FREM3: variants seen among roughly 807,000 people sequenced by gnomAD.
FREM3 encodes FRAS1-related extracellular matrix protein 3.
Under a neutral mutation model 129.1 loss-of-function variants are expected in FREM3, and 105 were observed. That is an observed-to-expected ratio of 0.81 (90% CI 0.69 to 0.96). FREM3 has a LOEUF of 0.96. Ranked by LOEUF, FREM3 falls within the 40% of genes least tolerant of loss-of-function variation. The pLI, the probability that FREM3 is intolerant of heterozygous loss-of-function variation, is 0.00. For missense variants in FREM3, 2,593 were observed against 2,666.3 expected, an observed-to-expected ratio of 0.97 and a Z score of 0.61; for synonymous variants, 1,014 against 1,044.9, an observed-to-expected ratio of 0.97 and a Z score of 0.57.
intron 2 of FREM3, among the ~76,000 whole-genome samples, chr4:143,659,079 A>G (rs1278868993): frequency 2.1e-5 from 2 of 96,218 alleles, no homozygotes; most frequent in African/African-American, 7.7e-5. Context: ...TATTTTATTT[A>G]TTATTTTTAT....
In FREM3 at chr4:143,647,878, G is replaced by A. The variant is rs188442695; in HGVS notation, c.5276-20118C>T. Reference sequence around the variant, plus strand: ...CCACTGGGGCACTGCCTGATTAAACGGTGAGAAGAAGGCCACCATCCTCCA... The same window carrying A: ...CCACTGGGGCACTGCCTGATTAAACAGTGAGAAGAAGGCCACCATCCTCCA... On this transcript the variant is annotated intron_variant, in intron 2 of 7. Transcript: ENST00000329798. 1.8e-4 allele frequency among the ~76,000 whole-genome samples: 28 copies of A among 152,274 alleles called. No individual in the cohort carries two copies. The East Asian group carries it at 4.3e-3, about 23-fold the overall frequency.
chr4:143,695,946 G>T lies in FREM3; in HGVS notation c.4730C>A (p.Thr1577Asn). The change falls in exon 1 of 8, where the codon ACC (threonine) becomes AAC (asparagine). Residue 1577 changes from threonine to asparagine, a missense_variant. Physicochemically the swap from Thr to Asn is moderately conservative, Grantham distance 65 (BLOSUM62 0). Transcript: ENST00000329798. ...TPDDLILFTI[T>N]QVPMHGKILY... ...AATCTTGCCATGCATGGGGACCTGG[G>T]TGATGGTAAAGAGAATAAGGTCATC... 6.5e-7 allele frequency: 1 copy of T among 1,537,862 alleles called. No homozygotes were observed. Among genetic ancestry groups the T allele is most frequent in the Non-Finnish European group, 8.7e-7 (1 of 1,147,014 alleles).
In FREM3 at chr4:143,577,481, C is replaced by G; in HGVS notation, c.*130G>C. 1 of 834,632 alleles carries G rather than the reference C, an allele frequency of 1.2e-6. No homozygotes were observed. The allele number at this position is 834,632 out of a possible 1,614,324, so 51.7% of individuals were successfully genotyped here. A position where few individuals can be genotyped will look rare whatever the true frequency, so the allele number is the denominator to read the frequency against. ...TCATATAAATTACATTTCCACATATCACCAGAATATAACACCAATGACAGT... is the reference window on the plus strand; with the variant it reads ...TCATATAAATTACATTTCCACATATGACCAGAATATAACACCAATGACAGT... On this transcript the variant is annotated 3_prime_UTR_variant, in exon 8 of 8. Coordinates refer to ENST00000329798, the MANE Select transcript of FREM3 (RefSeq NM_001168235.2).
chr4:143,627,950 C>T (rs1271924418), intron 2 of FREM3, among the ~76,000 whole-genome samples, 190 bp from the exon 3 acceptor site: 2 of 152,042 alleles, frequency 1.3e-5, no homozygotes, highest in Non-Finnish European at 2.9e-5. Context: ...GCATCTTAAG[C>T]CCTATTCCTC....
At chr4:143,603,139 A>T (rs537584373) in intron 6 of FREM3, among the ~76,000 whole-genome samples, 1 of 152,102 alleles carries the variant, frequency 6.6e-6, no homozygotes, top group Non-Finnish European at 1.5e-5. Flanking sequence ...CACATATATC[A>T]TGTCTCTTGT....
chr4:143,620,865 G>T (rs1226438593), intron 5 of FREM3, among the ~76,000 whole-genome samples, 172 bp downstream of exon 5: 1 of 152,130 alleles, frequency 6.6e-6, no homozygotes, highest in Non-Finnish European at 1.5e-5. Context: ...GAGGAGTAGG[G>T]CACCTGCACA....
At chr4:143,578,866 G>T (rs1249962910) in intron 7 of FREM3, among the ~76,000 whole-genome samples, 3 of 152,216 alleles carry the variant, frequency 2.0e-5, no homozygotes, top group Non-Finnish European at 4.4e-5. Context: ...GCATGATTTA[G>T]AACTGGATTC....
intron 2 of FREM3, among the ~76,000 whole-genome samples, chr4:143,670,569 T>C (rs1250877075): frequency 1.3e-5 from 2 of 152,166 alleles, no homozygotes; most frequent in Non-Finnish European, 2.9e-5. Context: ...ATAAACTCTT[T>C]TCAAGCAAAA....
At chr4:143,608,709 G>A (rs1430443545) in intron 6 of FREM3, among the ~76,000 whole-genome samples, 1 of 152,158 alleles carries the variant, frequency 6.6e-6, no homozygotes, top group African/African-American at 2.4e-5. Context: ...CTCAAAAAAT[G>A]TTAGAGCATG....
chr4:143,579,181 C>T (rs183578758), intron 7 of FREM3, among the ~76,000 whole-genome samples: 11 of 152,172 alleles, frequency 7.2e-5, no homozygotes, highest in East Asian at 1.9e-4. Context: ...AAGCCGGGCC[C>T]GGTGGATCAT....
intron 6 of FREM3, among the ~76,000 whole-genome samples, chr4:143,604,630 CA>C (rs1288438932): frequency 1.3e-5 from 2 of 152,072 alleles, no homozygotes; most frequent in Non-Finnish European, 2.9e-5. Flanking sequence ...AGAGCACAAT[CA>C]AAACACTTAG....
At chr4:143,618,169 G>A (rs1332629345) in intron 5 of FREM3, among the ~76,000 whole-genome samples, 2 of 152,124 alleles carry the variant, frequency 1.3e-5, no homozygotes, top group African/African-American at 2.4e-5. Context: ...GTCTGGCACG[G>A]AGTCAGCTAG....
chr4:143,664,883 C>T (rs1347517583), intron 2 of FREM3, among the ~76,000 whole-genome samples: 1 of 151,338 alleles, frequency 6.6e-6, no homozygotes, highest in Non-Finnish European at 1.5e-5. Context: ...GGCGTAGGAC[C>T]CTCCAAGTCA....
intron 6 of FREM3, among the ~76,000 whole-genome samples, chr4:143,588,756 C>T (rs1432039914): frequency 6.6e-6 from 1 of 151,212 alleles, no homozygotes; most frequent in African/African-American, 2.4e-5. Flanking sequence ...TGGGTATATA[C>T]CCAGTAATGG....
chr4:143,698,422 C>A lies in FREM3; in HGVS notation c.2254G>T (p.Asp752Tyr), dbSNP rs1302656633. The A allele has an allele frequency of 1.3e-6, 2 of 1,537,878 alleles. No individual in the cohort carries two copies. Among genetic ancestry groups the A allele is most frequent in the Non-Finnish European group, 1.7e-6 (2 of 1,147,070 alleles). ...CCAGCCCGGACTTGGTGGTTGCCAT[C>A]TGTGTCAGTCGGGAGTGTCAGTAGG... ...YTLLTLPTDT[D>Y]GNHQVRAGEI... The change falls in exon 1 of 8, where the codon GAT (aspartate) becomes TAT (tyrosine). Residue 752 changes from aspartate to tyrosine, a missense_variant. Coordinates refer to ENST00000329798, the MANE Select transcript of FREM3 (RefSeq NM_001168235.2).
intron 2 of FREM3, among the ~76,000 whole-genome samples, chr4:143,666,914 T>C (rs2149854554): frequency 6.6e-6 from 1 of 152,252 alleles, no homozygotes; most frequent in Non-Finnish European, 1.5e-5. Context: ...AAATGTATAA[T>C]ATACTAAAAA....
chr4:143,698,402 C>T lies in FREM3; in HGVS notation c.2274G>A (p.Arg758=), dbSNP rs1313138484. The change falls in exon 1 of 8, where the codon CGG becomes CGA. Residue 758 remains arginine (R), a synonymous_variant. Transcript: ENST00000329798. The part of the protein sequence containing the change: ...PTDTDGNHQV[R]AGEIVLTDSP... ...AATCAGTGAGCACAATTTCTCCAGC[C>T]CGGACTTGGTGGTTGCCATCTGTGT... 1 of 1,537,798 alleles carries T rather than the reference C, an allele frequency of 6.5e-7. No individual in the cohort carries two copies. Among genetic ancestry groups the T allele is most frequent in the Non-Finnish European group, 8.7e-7 (1 of 1,147,046 alleles).
chr4:143,605,702 C>T (rs1350091627), intron 6 of FREM3, among the ~76,000 whole-genome samples: 1 of 152,180 alleles, frequency 6.6e-6, no homozygotes, highest in Admixed American at 6.5e-5. Flanking sequence ...CTCCCTCTGA[C>T]TTTCATGTGC....
At chr4:143,595,402 T>TA (rs1738449587) in intron 6 of FREM3, among the ~76,000 whole-genome samples, 3 of 152,218 alleles carry the variant, frequency 2.0e-5, no homozygotes, top group Non-Finnish European at 2.9e-5. Flanking sequence ...AATGTTTTTT[T>TA]AAAAAATATT....
Sources: allele counts gnomAD v4.1 joint callset (sites outside exome capture counted in the v4.1 genomes callset), GRCh38; gene constraint gnomAD v4.1.1; transcripts MANE v1.5; gene names NCBI Gene and HGNC (gene_info 2026-07-23, HGNC 2026-07-21).